NAV3: variants seen among roughly 807,000 people sequenced by gnomAD.
NAV3 encodes pore membrane and/or filament interacting like protein 1.
Under a neutral mutation model 244.7 loss-of-function variants are expected in NAV3, and 87 were observed. That is an observed-to-expected ratio of 0.36 (90% CI 0.30 to 0.42). The LOEUF (loss-of-function observed/expected upper bound fraction) is 0.42. Among genes scored for constraint, NAV3 ranks in the 20% least tolerant of loss-of-function variants. The pLI is 1.00. For synonymous variants in NAV3, 1,126 were observed against 1,042.2 expected (o/e 1.08, Z -1.55); for missense variants, 2,663 against 2,893.3 (o/e 0.92, Z 1.83).
intron 2 of NAV3, among the ~76,000 whole-genome samples, chr12:77,606,049 G>A (rs1870656109): frequency 1.3e-5 from 2 of 152,048 alleles, no homozygotes; most frequent in Admixed American, 1.3e-4. Context: ...TTCCCTCCCA[G>A]AATTTGTTGA....
intron 19 of NAV3, 66 bp from the exon 20 acceptor site, chr12:78,140,216 G>T: frequency 7.3e-7 from 1 of 1,365,584 alleles, no homozygotes; most frequent in Non-Finnish European, 1.0e-6. Context: ...TACTTTTTCT[G>T]TAAAGGCTGG....
chr12:77,869,471 C>T (rs1880614194), intron 1 of NAV3, among the ~76,000 whole-genome samples: 1 of 152,178 alleles, frequency 6.6e-6, no homozygotes, highest in African/African-American at 2.4e-5. Flanking sequence ...GAAAATTTGT[C>T]TTAATGCATA....
chr12:77,709,847 C>A (rs1025392056), intron 2 of NAV3, among the ~76,000 whole-genome samples: 3 of 152,152 alleles, frequency 2.0e-5, no homozygotes, highest in African/African-American at 7.2e-5. Flanking sequence ...GGTTTATTTT[C>A]TCTTCCATAT....
At chr12:78,060,604 C>T (rs572483934) in intron 12 of NAV3, among the ~76,000 whole-genome samples, 2 of 152,164 alleles carry the variant, frequency 1.3e-5, no homozygotes, top group African/African-American at 4.8e-5. Flanking sequence ...TGAATATAGG[C>T]TATTTATTAA....
chr12:77,970,348 C>CT (rs949588861), intron 5 of NAV3, among the ~76,000 whole-genome samples: 10 of 152,196 alleles, frequency 6.6e-5, no homozygotes, highest in Admixed American at 6.5e-4. Flanking sequence ...TATGGACCAC[C>CT]TCCCACTTAC....
chr12:78,122,753 A>G (rs1325051009), intron 16 of NAV3, among the ~76,000 whole-genome samples: 1 of 152,180 alleles, frequency 6.6e-6, no homozygotes, highest in Non-Finnish European at 1.5e-5. Flanking sequence ...TAAGCTTCAG[A>G]ACAACACTAG....
intron 9 of NAV3, among the ~76,000 whole-genome samples, chr12:78,040,628 A>G (rs1469705343): frequency 2.0e-5 from 3 of 152,130 alleles, no homozygotes; most frequent in African/African-American, 7.2e-5. Context: ...TTACAACTTA[A>G]AAGTTTTCCT....
intron 31 of NAV3, among the ~76,000 whole-genome samples, chr12:78,187,837 A>G (rs1958794755): frequency 6.6e-6 from 1 of 151,944 alleles, no homozygotes. Context: ...TCTAGAATTC[A>G]TATAATATGG....
chr12:77,999,665 G>T (rs961144512), intron 7 of NAV3, among the ~76,000 whole-genome samples: 2 of 152,040 alleles, frequency 1.3e-5, no homozygotes, highest in African/African-American at 2.4e-5. Flanking sequence ...AAAAACAAAA[G>T]TGTATATTTG....
chr12:77,864,036 A>G (rs544221595), intron 1 of NAV3, among the ~76,000 whole-genome samples: 1 of 152,016 alleles, frequency 6.6e-6, no homozygotes, highest in East Asian at 1.9e-4. Flanking sequence ...TATAATATAA[A>G]TGGGGAAAGA....
intron 2 of NAV3, among the ~76,000 whole-genome samples, chr12:77,673,945 G>A (rs899372341): frequency 1.3e-4 from 19 of 151,856 alleles, no homozygotes; most frequent in Non-Finnish European, 1.6e-4. Flanking sequence ...TTAATACACT[G>A]CATATGTTTT....
At chr12:77,864,664 G>T (rs1419944746) in intron 1 of NAV3, among the ~76,000 whole-genome samples, 1 of 151,880 alleles carries the variant, frequency 6.6e-6, no homozygotes. Flanking sequence ...CCTATTTGAA[G>T]TCCCCTCTGT....
intron 2 of NAV3, among the ~76,000 whole-genome samples, chr12:77,740,923 G>C (rs191237662): frequency 4.7e-4 from 72 of 152,032 alleles, no homozygotes; most frequent in African/African-American, 1.7e-3. Context: ...GTAAGTTGCC[G>C]TGCAAAGAAG....
chr12:77,778,858 T>C (rs753864564), intron 2 of NAV3, among the ~76,000 whole-genome samples: 2 of 152,190 alleles, frequency 1.3e-5, no homozygotes, highest in Non-Finnish European at 2.9e-5. Flanking sequence ...ATAAGTATTG[T>C]CTTTGGGACA....
In NAV3 at chr12:77,936,867, G is replaced by A. The variant is rs140176044; in HGVS notation, c.244-3452G>A. 3.2e-3 allele frequency among the ~76,000 whole-genome samples: 486 copies of A among 152,132 alleles called. 6 individuals carry two copies. The highest frequency in any genetic ancestry group is 0.01 in the African/African-American group (430 of 41,510). On this transcript the variant is annotated intron_variant, in intron 1 of 39. Transcript: ENST00000397909. ...TTTTTATACCATGTGTCCTTTGCTC[G>A]AAGTCTCCTTAAAGACACAACTCAT...
At chr12:78,016,836 T>G (rs981934659) in intron 8 of NAV3, among the ~76,000 whole-genome samples, 3 of 152,130 alleles carry the variant, frequency 2.0e-5, no homozygotes, top group Admixed American at 6.6e-5. Context: ...TGTCTAGGAT[T>G]TATTACTGAG....
At position 78,103,442 on chromosome 12, in the gene NAV3, C is replaced by T. The variant is rs376128740; in HGVS notation, c.2637-13330C>T. Among the ~76,000 whole-genome samples, 770 of 152,294 alleles carry T rather than the reference C, an allele frequency of 5.1e-3. 2 individuals are homozygous for T. The highest frequency in any genetic ancestry group is 8.5e-3 in the Non-Finnish European group (575 of 68,016). ...TCTACTCCAAACTTTCCCACATTTT[C>T]CTGTCTTCTTCTGAGCCCTCCAAAT... On this transcript the variant is annotated intron_variant, in intron 12 of 39. Transcript: ENST00000397909.
At chr12:77,944,976 T>G (rs904179237) in intron 3 of NAV3, among the ~76,000 whole-genome samples, 9 of 152,174 alleles carry the variant, frequency 5.9e-5, no homozygotes, top group Admixed American at 3.9e-4. Context: ...TGGTATTTCT[T>G]TTTGGTAATT....
rs748872870 is a variant in NAV3 at position 78,116,839 on chromosome 12, C to T, written c.2704C>T (p.Leu902=). Residue 902 remains leucine (L), a synonymous_variant, in exon 13 of 40, where the codon CTG becomes TTG. Transcript: ENST00000397909. ...CCTTGATAACATCAGCACTGATGAC[C>T]TGAACACCACATCCTCTGTCAGCTC... ...DTLDNISTDD[L]NTTSSVSSYS... 6.2e-7 allele frequency: 1 copy of T among 1,613,300 alleles called. No homozygotes were observed. The highest frequency in any genetic ancestry group is 1.3e-5 in the African/African-American group (1 of 74,830).
Sources: allele counts gnomAD v4.1 joint callset (sites outside exome capture counted in the v4.1 genomes callset), GRCh38; gene constraint gnomAD v4.1.1; transcripts MANE v1.5; gene names NCBI Gene and HGNC (gene_info 2026-07-23, HGNC 2026-07-21).